HOOK3: variants seen among roughly 807,000 people sequenced by gnomAD.
HOOK3 encodes the protein protein Hook homolog 3.
A neutral mutation model predicts 116.3 loss-of-function variants in HOOK3; 24 were observed. The observed-to-expected ratio is 0.21, with a 90% CI of 0.15 to 0.29. The LOEUF (loss-of-function observed/expected upper bound fraction) is 0.29, where lower values mean the gene tolerates loss of function less well. Among genes scored for constraint, HOOK3 ranks in the 10% least tolerant of loss-of-function variants. HOOK3 has a pLI of 1.00. For missense variants in HOOK3, 632 were observed against 830.2 expected (o/e 0.76, Z 2.93); for synonymous variants, 275 against 283.0 (o/e 0.97, Z 0.28).
In HOOK3 at chr8:42,905,340, C is replaced by T. The variant is rs149999853; in HGVS notation, c.58-833C>T. ...TTTCTTTTTTTGGGGGGGGGGGTGC[C>T]GTGGTGGAGGGGATATAGTTCTTTC... is the stretch of plus-strand genomic sequence containing the variant. On this transcript the variant is annotated intron_variant, in intron 1 of 21. Transcript: ENST00000307602. Among the ~76,000 whole-genome samples, 1,154 of 132,442 alleles carry T rather than the reference C, an allele frequency of 8.7e-3. 27 individuals carry two copies. The highest frequency in any genetic ancestry group is 0.032 in the African/African-American group (1,005 of 31,264). The allele number at this position is 132,442 out of a possible 152,430, so 86.9% of individuals were successfully genotyped here.
In HOOK3 at chr8:42,950,396, C is replaced by G. The variant is rs774290079; in HGVS notation, c.409C>G (p.Gln137Glu). The change falls in exon 6 of 22, where the codon CAA (glutamine) becomes GAA (glutamate). Residue 137 changes from glutamine to glutamate, a missense_variant. Physicochemically the swap from Gln to Glu is conservative, Grantham distance 29. Transcript: ENST00000307602. ...VNCEQKQEYI[Q>E]AIMMMEESVQ... Reference sequence around the variant, plus strand: ...ATTGTTCTTGTTTTCAGAGTACATCCAAGCCATTATGATGATGGAGGAATC... The same window carrying G: ...ATTGTTCTTGTTTTCAGAGTACATCGAAGCCATTATGATGATGGAGGAATC... 1.4e-5 allele frequency: 22 copies of G among 1,607,140 alleles called. No individual in the cohort carries two copies. The highest frequency in any genetic ancestry group is 1.8e-5 in the Non-Finnish European group (21 of 1,174,440).
At chr8:42,919,147 C>G (rs897228965) in intron 2 of HOOK3, among the ~76,000 whole-genome samples, 1 of 151,154 alleles carries the variant, frequency 6.6e-6, no homozygotes, top group African/African-American at 2.4e-5. Context: ...ACTTCCCAGA[C>G]GGGGCGGCTG....
At chr8:42,910,746 G>A (rs544927701) in intron 2 of HOOK3, among the ~76,000 whole-genome samples, 49 of 152,296 alleles carry the variant, frequency 3.2e-4, no homozygotes, top group African/African-American at 1.2e-3. Context: ...TGGCTACTTT[G>A]TGTCCAGCAT....
chr8:42,917,491 C>T lies in HOOK3; in HGVS notation c.144-8066C>T, dbSNP rs535754503. On this transcript the variant is annotated intron_variant, in intron 2 of 21. Coordinates refer to ENST00000307602, the MANE Select transcript of HOOK3 (RefSeq NM_032410.4). ...TAAAGGGGCCCACAATGAATCCCCT[C>T]GTTAGTATAAACTCTGGTATGGTTT... Among the ~76,000 whole-genome samples, 4 of 152,178 alleles carry T rather than the reference C, an allele frequency of 2.6e-5. No homozygotes were observed. The East Asian group carries it at 5.8e-4, about 22-fold the overall frequency.
chr8:42,905,697 C>T (rs1807292248), intron 1 of HOOK3, among the ~76,000 whole-genome samples: 1 of 151,166 alleles, frequency 6.6e-6, no homozygotes, highest in Non-Finnish European at 1.5e-5. Context: ...CTTGGCAGGA[C>T]ATTTCCCTTA....
Position 43,024,278 on chromosome 8 carries a change from G to A in HOOK3, c.*5780G>A, listed in dbSNP as rs1200011823. ...TTATGAAGGGATTCTTTGCCTAGCA[G>A]TGGCCGTCAAACTGATGTAGCATTG... On this transcript the variant is annotated 3_prime_UTR_variant, in exon 22 of 22. Transcript: ENST00000307602. 3 of 201,080 alleles carry A rather than the reference G, an allele frequency of 1.5e-5. No homozygotes were observed. Among genetic ancestry groups the A allele is most frequent in the Non-Finnish European group, 3.1e-5 (3 of 97,756 alleles). 12.5% of individuals were successfully genotyped at this position (201,080 alleles called of 1,614,324 possible).
Position 43,021,943 on chromosome 8 carries a change from A to G in HOOK3, c.*3445A>G. 5.7e-6 allele frequency: 1 copy of G among 175,990 alleles called. No individual in the cohort carries two copies. 10.9% of individuals were successfully genotyped at this position (175,990 alleles called of 1,614,324 possible). A position where few individuals can be genotyped will look rare whatever the true frequency, so the allele number is the denominator to read the frequency against. ...CTCAGCCTCCCAGAGTGCTGGGATT[A>G]CAGGCGTGAGCCACCGCGCCCAGCC... On this transcript the variant is annotated 3_prime_UTR_variant, in exon 22 of 22. Transcript: ENST00000307602.
intron 1 of HOOK3, among the ~76,000 whole-genome samples, chr8:42,901,114 G>A (rs1807179898): frequency 6.6e-6 from 1 of 152,198 alleles, no homozygotes; most frequent in South Asian, 2.1e-4. Flanking sequence ...CCAACTCACA[G>A]CCAAAAATGT....
chr8:42,943,204 ACT>A, intron 4 of HOOK3, 107 bp from the exon 5 acceptor site: 2 of 568,692 alleles, frequency 3.5e-6, no homozygotes, highest in Non-Finnish European at 5.5e-6. Flanking sequence ...GAACATAATC[ACT>A]CTGTCCTTGG....
chr8:42,914,855 G>A (rs772611226), intron 2 of HOOK3, among the ~76,000 whole-genome samples: 1 of 152,244 alleles, frequency 6.6e-6, no homozygotes, highest in East Asian at 1.9e-4. Context: ...CGTGGCTCAT[G>A]CCTGTAATCC....
intron 1 of HOOK3, among the ~76,000 whole-genome samples, chr8:42,904,385 C>T (rs898573682): frequency 6.7e-6 from 1 of 150,182 alleles, no homozygotes; most frequent in African/African-American, 2.5e-5. Flanking sequence ...TCTTGGCTCA[C>T]TGCAACCTCC....
intron 2 of HOOK3, among the ~76,000 whole-genome samples, chr8:42,921,534 G>A (rs1397480453): frequency 2.0e-5 from 3 of 151,932 alleles, no homozygotes; most frequent in Non-Finnish European, 4.4e-5. Flanking sequence ...ACACTTTTGG[G>A]GGTTGTCTGT....
intron 3 of HOOK3, 30 bp downstream of exon 3, chr8:42,925,659 T>C: frequency 7.1e-7 from 1 of 1,414,156 alleles, no homozygotes; most frequent in Non-Finnish European, 9.9e-7. Context: ...GTTAAATCTT[T>C]AAATATTTGT....
In HOOK3 at chr8:42,964,429, T is replaced by C. The variant is rs773973179; in HGVS notation, c.734T>C (p.Leu245Ser). 5.6e-6 allele frequency: 9 copies of C among 1,614,150 alleles called. No homozygotes were observed. Among genetic ancestry groups the C allele is most frequent in the Non-Finnish European group, 7.6e-6 (9 of 1,180,004 alleles). The change falls in exon 9 of 22, where the codon TTG (leucine) becomes TCG (serine). Residue 245 changes from leucine to serine, a missense_variant. Transcript: ENST00000307602. ...AACAGTCCAGCAGGAAGAAGGCATT[T>C]GCAGCTCCAGACTCAATTAGAACAG... is the stretch of plus-strand genomic sequence containing the variant. ...DPNSPAGRRH[L>S]QLQTQLEQLQ... is the part of the protein sequence containing the mutation.
At chr8:42,968,401 C>A (rs529128307) in intron 11 of HOOK3, among the ~76,000 whole-genome samples, 187 bp downstream of exon 11, 6 of 152,324 alleles carry the variant, frequency 3.9e-5, no homozygotes, top group Admixed American at 3.9e-4. Flanking sequence ...ATGATCTCAG[C>A]TCACTGCAAC....
intron 9 of HOOK3, among the ~76,000 whole-genome samples, chr8:42,965,627 A>G (rs1483582274): frequency 1.3e-5 from 2 of 152,226 alleles, no homozygotes; most frequent in Non-Finnish European, 2.9e-5. Flanking sequence ...TTCCCTAGCC[A>G]TAGATTTCTA....
At chr8:42,983,219 A>C (rs1808986357) in intron 14 of HOOK3, among the ~76,000 whole-genome samples, 1 of 151,792 alleles carries the variant, frequency 6.6e-6, no homozygotes, top group African/African-American at 2.4e-5. Context: ...CTGTAGTCCC[A>C]GCTACTCGGG....
chr8:42,942,597 C>G (rs1423741676), intron 4 of HOOK3, among the ~76,000 whole-genome samples: 1 of 152,178 alleles, frequency 6.6e-6, no homozygotes, highest in Non-Finnish European at 1.5e-5. Flanking sequence ...TATTTTCTTT[C>G]ATTTGCTTCA....
At chr8:43,008,891 C>T (rs1333164439) in intron 18 of HOOK3, among the ~76,000 whole-genome samples, 1 of 151,046 alleles carries the variant, frequency 6.6e-6, no homozygotes, top group Non-Finnish European at 1.5e-5. Flanking sequence ...GATCTCCTGA[C>T]CTCGTGATCC....
Sources: allele counts gnomAD v4.1 joint callset (sites outside exome capture counted in the v4.1 genomes callset), GRCh38; gene constraint gnomAD v4.1.1; transcripts MANE v1.5; gene names NCBI Gene and HGNC (gene_info 2026-07-23, HGNC 2026-07-21).